CLVS1: variants seen among roughly 807,000 people sequenced by gnomAD.
The protein encoded by CLVS1 is clavesin 1.
Under a neutral mutation model 33.1 loss-of-function variants are expected in CLVS1, and 10 were observed. The observed-to-expected ratio is 0.30, with a 90% CI of 0.19 to 0.51. The LOEUF (loss-of-function observed/expected upper bound fraction) is 0.51. CLVS1 is among the 20% of genes least tolerant of loss of function. The probability of loss-of-function intolerance (pLI) is 0.97; values close to 1 mark genes in which losing one functional copy is unlikely to be tolerated. For missense variants in CLVS1, 343 were observed against 433.4 expected (o/e 0.79, Z 1.85); for synonymous variants, 163 against 166.1 (o/e 0.98, Z 0.14).
chr8:61,144,087 C>T (rs1806368342), intron 2 of CLVS1, among the ~76,000 whole-genome samples: 1 of 151,750 alleles, frequency 6.6e-6, no homozygotes, highest in Non-Finnish European at 1.5e-5. Context: ...TTCTGGGATA[C>T]ATGTGCAGAA....
chr8:61,105,215 A>G (rs1021367712), intron 1 of CLVS1, among the ~76,000 whole-genome samples: 17 of 152,260 alleles, frequency 1.1e-4, no homozygotes, highest in Admixed American at 5.9e-4. Flanking sequence ...CAGTATTTAT[A>G]GGAGAAAAAG....
intron 3 of CLVS1, among the ~76,000 whole-genome samples, chr8:61,438,772 G>C (rs1460274600): frequency 6.6e-6 from 1 of 152,100 alleles, no homozygotes; most frequent in Non-Finnish European, 1.5e-5. Context: ...TCTAAGTAAA[G>C]TTATGTTTCC....
intron 3 of CLVS1, among the ~76,000 whole-genome samples, chr8:61,415,340 C>G (rs1815389079): frequency 1.3e-5 from 2 of 152,214 alleles, no homozygotes; most frequent in Non-Finnish European, 2.9e-5. Flanking sequence ...CCCTGGAGGT[C>G]ACAGCATCTA....
chr8:61,363,394 G>A (rs1813063012), intron 2 of CLVS1, among the ~76,000 whole-genome samples: 1 of 152,204 alleles, frequency 6.6e-6, no homozygotes, highest in South Asian at 2.1e-4. Flanking sequence ...ATGTTTTACA[G>A]TATCTCCTGC....
At chr8:61,472,321 G>A (rs951764443) in intron 5 of CLVS1, among the ~76,000 whole-genome samples, 2 of 152,022 alleles carry the variant, frequency 1.3e-5, no homozygotes, top group African/African-American at 4.8e-5. Flanking sequence ...AGGTGCTCAT[G>A]ACATAGTTTC....
At chr8:61,207,607 A>C (rs1159076613) in intron 2 of CLVS1, among the ~76,000 whole-genome samples, 1 of 152,214 alleles carries the variant, frequency 6.6e-6, no homozygotes, top group Non-Finnish European at 1.5e-5. Flanking sequence ...ATCGTACCAC[A>C]ATTTTACAGA....
chr8:61,089,120 C>T lies in CLVS1; in HGVS notation c.-243+31890C>T, dbSNP rs185345663. Among the ~76,000 whole-genome samples, 1,169 of 152,148 alleles carry T rather than the reference C, an allele frequency of 7.7e-3. 8 individuals carry two copies. The highest frequency in any genetic ancestry group is 0.013 in the Non-Finnish European group (880 of 67,990). ...CCGGCCTAGACTTTTAAAATATTTG[C>T]CAATCTAGCAGGTTTAACATGCTAT... On this transcript the variant is annotated intron_variant, in intron 1 of 2. Transcript: ENST00000522621.
intron 3 of CLVS1, among the ~76,000 whole-genome samples, chr8:61,438,276 G>A (rs1005736209): frequency 6.6e-6 from 1 of 152,146 alleles, no homozygotes; most frequent in African/African-American, 2.4e-5. Context: ...AGAACATGTG[G>A]TGTTTGGTTT....
intron 3 of CLVS1, among the ~76,000 whole-genome samples, chr8:61,407,631 C>T (rs1815042036): frequency 6.6e-6 from 1 of 152,084 alleles, no homozygotes; most frequent in Admixed American, 6.6e-5. Flanking sequence ...AGTACAAGTT[C>T]CACTGATTCT....
intron 2 of CLVS1, among the ~76,000 whole-genome samples, chr8:61,269,562 T>G (rs1809388636): frequency 6.6e-6 from 1 of 151,694 alleles, no homozygotes; most frequent in African/African-American, 2.4e-5. Context: ...AGAAAGGCAT[T>G]GGTAGCTTGA....
the CLVS1 span, among the ~76,000 whole-genome samples, chr8:61,007,149 A>G: frequency 6.6e-6 from 1 of 152,256 alleles, no homozygotes; most frequent in African/African-American, 2.4e-5. Context: ...TTTTGACATT[A>G]GGAGAAGGCT....
intron 5 of CLVS1, among the ~76,000 whole-genome samples, chr8:61,486,238 G>A (rs1803878421): frequency 6.6e-6 from 1 of 152,170 alleles, no homozygotes; most frequent in South Asian, 2.1e-4. Context: ...TGGCATGTTT[G>A]CTTTTTGCTT....
chr8:61,474,939 C>T (rs538550586), intron 5 of CLVS1, among the ~76,000 whole-genome samples: 2 of 152,206 alleles, frequency 1.3e-5, no homozygotes, highest in African/African-American at 4.8e-5. Context: ...AATGCTATCC[C>T]TCCCCACTGC....
intron 2 of CLVS1, among the ~76,000 whole-genome samples, chr8:61,191,223 A>T (rs1807466468): frequency 6.6e-6 from 1 of 152,230 alleles, no homozygotes. Flanking sequence ...GGTTCAACAT[A>T]TGCAAATCAA....
chr8:61,005,971 A>C, the CLVS1 span, among the ~76,000 whole-genome samples: 1 of 152,206 alleles, frequency 6.6e-6, no homozygotes, highest in African/African-American at 2.4e-5. Context: ...ACTATAATTA[A>C]GATTTATTGT....
chr8:61,055,645 T>C (rs1014422101), upstream of CLVS1, among the ~76,000 whole-genome samples: 8 of 152,238 alleles, frequency 5.3e-5, no homozygotes, highest in African/African-American at 1.9e-4. Flanking sequence ...TGTGGAGACG[T>C]AGAAGCAGAC....
the CLVS1 span, among the ~76,000 whole-genome samples, chr8:60,987,086 A>G: frequency 3.9e-5 from 6 of 152,224 alleles, no homozygotes; most frequent in Non-Finnish European, 8.8e-5. Context: ...GCTCTCAGGC[A>G]AATGACAGTC....
chr8:61,199,146 T>G (rs998322194), intron 2 of CLVS1, among the ~76,000 whole-genome samples: 1 of 152,188 alleles, frequency 6.6e-6, no homozygotes, highest in African/African-American at 2.4e-5. Context: ...ATCTTCATAC[T>G]GTTTTCCACA....
At chr8:61,472,448 G>T (rs1406776446) in intron 5 of CLVS1, among the ~76,000 whole-genome samples, 4 of 152,146 alleles carry the variant, frequency 2.6e-5, no homozygotes, top group Admixed American at 2.0e-4. Flanking sequence ...GAAAAATCGT[G>T]TAACAGTAAA....
Sources: allele counts gnomAD v4.1 joint callset (sites outside exome capture counted in the v4.1 genomes callset), GRCh38; gene constraint gnomAD v4.1.1; transcripts MANE v1.5; gene names NCBI Gene and HGNC (gene_info 2026-07-23, HGNC 2026-07-21).